Variants in PLPPR1 observed in about 807,000 individuals in gnomAD.
PLPPR1 encodes phospholipid phosphatase related 1, also known as phospholipid phosphatase-related protein type 1.
Under a neutral mutation model 33.1 loss-of-function variants are expected in PLPPR1, and 10 were observed. The ratio of observed to expected loss-of-function variants is 0.30; its 90% CI spans 0.19 to 0.51. The LOEUF (loss-of-function observed/expected upper bound fraction) is 0.51. PLPPR1 is among the 20% of genes least tolerant of loss of function. The probability of loss-of-function intolerance (pLI) is 0.97; values close to 1 mark genes in which losing one functional copy is unlikely to be tolerated. For synonymous variants in PLPPR1, 151 were observed against 151.0 expected (o/e 1.00, Z 0.00); for missense variants, 304 against 408.1 (o/e 0.74, Z 2.20).
chr9:101,292,552 T>TAA (rs1828532185), intron 4 of PLPPR1, among the ~76,000 whole-genome samples: 1 of 125,916 alleles, frequency 7.9e-6, no homozygotes, highest in Non-Finnish European at 1.6e-5. Context: ...AATGGTCGGG[T>TAA]AACCCACAAA....
At chr9:101,093,441 C>A (rs188676191) in intron 1 of PLPPR1, among the ~76,000 whole-genome samples, 2 of 152,206 alleles carry the variant, frequency 1.3e-5, no homozygotes, top group South Asian at 2.1e-4. Flanking sequence ...TAATATGTAG[C>A]CCTGACATTT....
chr9:101,223,393 C>T (rs917980884), intron 2 of PLPPR1, among the ~76,000 whole-genome samples: 7 of 151,540 alleles, frequency 4.6e-5, no homozygotes, highest in African/African-American at 1.5e-4. Flanking sequence ...ACTTGAGTTC[C>T]CCTGGGAAGT....
At position 101,293,064 on chromosome 9, in the gene PLPPR1, T is replaced by C. The variant is rs988749809; in HGVS notation, c.385+6828T>C. Among the ~76,000 whole-genome samples, 713 of 151,872 alleles carry C rather than the reference T, an allele frequency of 4.7e-3. 6 individuals carry two copies. The highest frequency in any genetic ancestry group is 8.4e-3 in the Non-Finnish European group (572 of 67,966). On this transcript the variant is annotated intron_variant, in intron 4 of 7. Transcript: ENST00000374874. ...TGCTGTATTCAGGAAACCCATCTCA[T>C]GTGCAGAGACACACATAGGCTCAAA...
intron 1 of PLPPR1, among the ~76,000 whole-genome samples, chr9:101,034,149 T>C (rs893561049): frequency 1.3e-5 from 2 of 151,994 alleles, no homozygotes; most frequent in Non-Finnish European, 2.9e-5. Flanking sequence ...ACAGTGAGTC[T>C]CAAGTGCATT....
intron 4 of PLPPR1, among the ~76,000 whole-genome samples, chr9:101,297,821 C>A (rs1406011539): frequency 6.6e-6 from 1 of 152,018 alleles, no homozygotes; most frequent in African/African-American, 2.4e-5. Context: ...ATACCATTTC[C>A]TTTGCTACTA....
At chr9:101,130,078 A>C (rs945952193) in intron 1 of PLPPR1, among the ~76,000 whole-genome samples, 5 of 152,178 alleles carry the variant, frequency 3.3e-5, no homozygotes, top group Non-Finnish European at 7.3e-5. Context: ...GGAAATGCTC[A>C]TTATCTTGAT....
intron 2 of PLPPR1, among the ~76,000 whole-genome samples, chr9:101,243,942 C>T (rs894956882): frequency 6.6e-6 from 1 of 151,516 alleles, no homozygotes; most frequent in African/African-American, 2.4e-5. Context: ...ATGGTAGAAC[C>T]CTGGAAAACA....
chr9:101,154,171 C>CT (rs916331318), intron 1 of PLPPR1, among the ~76,000 whole-genome samples: 23 of 152,066 alleles, frequency 1.5e-4, no homozygotes, highest in Non-Finnish European at 3.2e-4. Context: ...CTAAAATTCT[C>CT]TTTTTTTGTT....
At chr9:101,242,649 A>G (rs1002828063) in intron 2 of PLPPR1, among the ~76,000 whole-genome samples, 9 of 152,078 alleles carry the variant, frequency 5.9e-5, no homozygotes, top group African/African-American at 1.7e-4. Context: ...ACAGAAAAGC[A>G]GAACTATCAC....
chr9:101,090,349 A>G (rs1413187262), intron 1 of PLPPR1, among the ~76,000 whole-genome samples: 1 of 152,162 alleles, frequency 6.6e-6, no homozygotes, highest in Non-Finnish European at 1.5e-5. Context: ...AATGTATAAG[A>G]GTCCTTATTT....
At chr9:101,061,048 T>G (rs1157438884) in intron 1 of PLPPR1, among the ~76,000 whole-genome samples, 1 of 151,916 alleles carries the variant, frequency 6.6e-6, no homozygotes, top group African/African-American at 2.4e-5. Context: ...CAAAGGACTG[T>G]GGAGGAAGCC....
intron 1 of PLPPR1, among the ~76,000 whole-genome samples, chr9:101,099,486 T>C (rs1013173236): frequency 2.0e-5 from 3 of 152,204 alleles, no homozygotes; most frequent in African/African-American, 7.2e-5. Flanking sequence ...GTCTGTGGGT[T>C]ACCCATCCAT....
At position 101,089,873 on chromosome 9, in the gene PLPPR1, A is replaced by C. The variant is rs190030048; in HGVS notation, c.-46+60771A>C. Among the ~76,000 whole-genome samples, 16 of 152,290 alleles carry C rather than the reference A, an allele frequency of 1.1e-4. No individual in the cohort carries two copies. The East Asian group carries it at 3.1e-3, about 29-fold the overall frequency. ...AACTGTCCTGGGGCAGATTTTTGCA[A>C]GATGTATTAGTTGTCCAGGGCTGCA... On this transcript the variant is annotated intron_variant, in intron 1 of 7. Coordinates refer to ENST00000374874, the MANE Select transcript of PLPPR1 (RefSeq NM_207299.2).
chr9:101,139,732 T>G (rs535176551), intron 1 of PLPPR1, among the ~76,000 whole-genome samples: 1 of 151,956 alleles, frequency 6.6e-6, no homozygotes, highest in African/African-American at 2.4e-5. Flanking sequence ...GCCAATGGAG[T>G]GACTATATTT....
intron 1 of PLPPR1, among the ~76,000 whole-genome samples, chr9:101,064,294 A>G (rs1020791203): frequency 6.6e-6 from 1 of 152,118 alleles, no homozygotes; most frequent in African/African-American, 2.4e-5. Flanking sequence ...GCAAGAATTC[A>G]GAAAGTGCTT....
At chr9:101,212,080 ATTGT>A (rs566601063) in intron 2 of PLPPR1, among the ~76,000 whole-genome samples, 6 of 151,162 alleles carry the variant, frequency 4.0e-5, no homozygotes, top group East Asian at 2.0e-4. Context: ...AATCTTGGCT[ATTGT>A]TTGTTTGTTT....
chr9:101,117,071 C>T (rs544076480), intron 1 of PLPPR1, among the ~76,000 whole-genome samples: 1 of 152,016 alleles, frequency 6.6e-6, no homozygotes, highest in South Asian at 2.1e-4. Flanking sequence ...CCTCTGCAAC[C>T]CTTAGGATTA....
rs10217152 is a variant in PLPPR1, at chr9:101,309,617, A to C, written c.636+156A>C. ...ATGCTATTGATATACTAGCCCCCCC[A>C]CACACACACTTCTACCCCACTTTCA... On this transcript the variant is annotated intron_variant, in intron 5 of 7. Coordinates refer to ENST00000374874, the MANE Select transcript of PLPPR1 (RefSeq NM_207299.2). Among the ~76,000 whole-genome samples the C allele has an allele frequency of 7.3e-3, 1,104 of 151,916 alleles. 22 individuals are homozygous for C. The highest frequency in any genetic ancestry group is 0.025 in the African/African-American group (1,020 of 41,424).
At chr9:101,059,546 A>T (rs113242456) in intron 1 of PLPPR1, among the ~76,000 whole-genome samples, 2 of 152,270 alleles carry the variant, frequency 1.3e-5, no homozygotes, top group African/African-American at 4.8e-5. Context: ...GCAAGAATTT[A>T]CATATTTGCA....
Sources: gnomAD v4.1 joint callset for allele counts (sites outside exome capture counted in the v4.1 genomes callset) on GRCh38, gnomAD v4.1.1 for gene constraint, MANE v1.5 for transcripts, NCBI Gene and HGNC (gene_info 2026-07-23, HGNC 2026-07-21) for gene names.